POU6F2: variants seen among roughly 807,000 people sequenced by gnomAD.
The protein encoded by POU6F2 is POU domain, class 6, transcription factor 2.
In POU6F2, 31 loss-of-function variants were observed where a neutral mutation model predicts 71.3. The ratio of observed to expected loss-of-function variants is 0.43; its 90% CI spans 0.33 to 0.59. The LOEUF is 0.59. Among genes scored for constraint, POU6F2 ranks in the 20% least tolerant of loss-of-function variants. POU6F2 has a pLI of 0.04. For synonymous variants in POU6F2, 347 were observed against 355.7 expected (o/e 0.98, Z 0.27); for missense variants, 783 against 856.8 (o/e 0.91, Z 1.07).
intron 1 of POU6F2, among the ~76,000 whole-genome samples, chr7:39,042,841 G>C (rs1440765095): frequency 6.6e-6 from 1 of 151,628 alleles, no homozygotes; most frequent in African/African-American, 2.4e-5. Flanking sequence ...TGCCTTCAGG[G>C]CACACTGACC....
At chr7:39,050,245 T>C (rs141555878) in intron 1 of POU6F2, among the ~76,000 whole-genome samples, 83 of 152,184 alleles carry the variant, frequency 5.5e-4, no homozygotes, top group African/African-American at 1.9e-3. Flanking sequence ...GAGTCCTGTT[T>C]CTGCATAACC....
intron 5 of POU6F2, among the ~76,000 whole-genome samples, chr7:39,347,196 A>C (rs906936200): frequency 2.0e-5 from 3 of 152,168 alleles, no homozygotes; most frequent in Admixed American, 6.5e-5. Context: ...TATCCTGCCT[A>C]CTTTTTTTCC....
At chr7:39,417,511 A>G (rs1787707116) in intron 6 of POU6F2, among the ~76,000 whole-genome samples, 1 of 152,234 alleles carries the variant, frequency 6.6e-6, no homozygotes, top group Non-Finnish European at 1.5e-5. Flanking sequence ...ATAACTAACA[A>G]TATAAATAGA....
At chr7:39,152,284 A>G (rs1584570464) in intron 2 of POU6F2, among the ~76,000 whole-genome samples, 2 of 152,120 alleles carry the variant, frequency 1.3e-5, no homozygotes, top group Non-Finnish European at 1.5e-5. Flanking sequence ...CTGTGGGTGG[A>G]TAAGTGACCC....
intron 2 of POU6F2, among the ~76,000 whole-genome samples, chr7:39,192,097 TC>T (rs1200347289): frequency 6.6e-6 from 1 of 152,234 alleles, no homozygotes; most frequent in Non-Finnish European, 1.5e-5. Context: ...CTCTTCCTGA[TC>T]AATTTTGTGG....
At position 39,207,442 on chromosome 7, in the gene POU6F2, G is replaced by T. The variant is rs776845454; in HGVS notation, c.420G>T (p.Pro140=). ...QLASAVAGVM[P]GGPPALNQPI... ...CTTCTGCTGTGGCCGGCGTGATGCCGGGAGGCCCCCCAGCCCTCAACCAGC... is the reference window on the plus strand; with the variant it reads ...CTTCTGCTGTGGCCGGCGTGATGCCTGGAGGCCCCCCAGCCCTCAACCAGC... Residue 140 remains proline (P), a synonymous_variant, in exon 4 of 10, where the codon CCG becomes CCT. Coordinates refer to ENST00000518318, the MANE Select transcript of POU6F2 (RefSeq NM_001370959.1). The T allele has an allele frequency of 2.5e-6, 4 of 1,613,898 alleles. No individual in the cohort carries two copies. The South Asian group carries it at 4.4e-5, about 18-fold the overall frequency.
chr7:39,252,813 T>C (rs950659007), intron 4 of POU6F2, among the ~76,000 whole-genome samples: 4 of 152,182 alleles, frequency 2.6e-5, no homozygotes, highest in African/African-American at 4.8e-5. Context: ...TGAACCACTA[T>C]GTAGAAAACG....
intron 4 of POU6F2, among the ~76,000 whole-genome samples, chr7:39,215,134 C>T (rs182660653): frequency 2.6e-5 from 4 of 152,252 alleles, no homozygotes; most frequent in Admixed American, 2.6e-4. Flanking sequence ...TACCTGAGGT[C>T]ACAAGTTCAA....
chr7:39,261,825 T>A (rs978292033), intron 4 of POU6F2, among the ~76,000 whole-genome samples: 2 of 152,270 alleles, frequency 1.3e-5, no homozygotes, highest in African/African-American at 4.8e-5. Context: ...TTGCATATTT[T>A]CTGGTTTAAC....
intron 8 of POU6F2, among the ~76,000 whole-genome samples, chr7:39,456,529 A>G (rs1294995483): frequency 6.6e-6 from 1 of 152,244 alleles, no homozygotes; most frequent in Non-Finnish European, 1.5e-5. Context: ...TACAGACAGC[A>G]TCTAATGAAT....
At chr7:39,242,436 G>A (rs987813536) in intron 4 of POU6F2, among the ~76,000 whole-genome samples, 4 of 148,428 alleles carry the variant, frequency 2.7e-5, no homozygotes, top group African/African-American at 1.0e-4. Context: ...AGCATCTATT[G>A]GCTTTAACTT....
chr7:39,308,971 C>T (rs573304376), intron 4 of POU6F2, among the ~76,000 whole-genome samples: 12 of 152,242 alleles, frequency 7.9e-5, no homozygotes, highest in Non-Finnish European at 1.5e-4. Flanking sequence ...TGTCCTGTGG[C>T]GCAGCCACAC....
chr7:39,137,609 A>T (rs563026657), intron 2 of POU6F2, among the ~76,000 whole-genome samples: 17 of 152,350 alleles, frequency 1.1e-4, no homozygotes, highest in African/African-American at 4.1e-4. Context: ...ACTTTTCAAA[A>T]ATTTTAATTG....
intron 2 of POU6F2, among the ~76,000 whole-genome samples, chr7:39,110,370 A>G (rs1194584081): frequency 1.3e-5 from 2 of 151,774 alleles, no homozygotes; most frequent in African/African-American, 4.8e-5. Context: ...TGTTCTAAGT[A>G]TTTTACTTTA....
chr7:39,150,462 A>ATTT lies in POU6F2; in HGVS notation c.278-53753_278-53751dup, dbSNP rs1263641232. ...TTGTATAACAGCTGTACCAAGCTAC[A>ATTT]TTTTTTTTTTTTTTTTTTTTTTGAG... On this transcript the variant is annotated intron_variant, in intron 2 of 9. Coordinates refer to ENST00000518318, the MANE Select transcript of POU6F2 (RefSeq NM_001370959.1). Among the ~76,000 whole-genome samples the ATTT allele has an allele frequency of 3.7e-3, 364 of 99,258 alleles. 7 individuals are homozygous for ATTT. The highest frequency in any genetic ancestry group is 4.7e-3 in the Non-Finnish European group (238 of 50,612). 65.1% of individuals were successfully genotyped at this position (99,258 alleles called of 152,430 possible). A position where few individuals can be genotyped will look rare whatever the true frequency, so the allele number is the denominator to read the frequency against.
intron 2 of POU6F2, among the ~76,000 whole-genome samples, chr7:39,094,271 T>C (rs952548565): frequency 1.3e-5 from 2 of 152,108 alleles, no homozygotes; most frequent in Non-Finnish European, 2.9e-5. Flanking sequence ...TTTGGACAAC[T>C]TGACTTATAG....
chr7:39,249,922 G>A lies in POU6F2; in HGVS notation c.598+42302G>A, dbSNP rs375781172. Among the ~76,000 whole-genome samples, 39 of 152,262 alleles carry A rather than the reference G, an allele frequency of 2.6e-4. No individual in the cohort carries two copies. The South Asian group carries it at 7.7e-3, about 30-fold the overall frequency. On this transcript the variant is annotated intron_variant, in intron 4 of 9. Coordinates refer to ENST00000518318, the MANE Select transcript of POU6F2 (RefSeq NM_001370959.1). ...AAATTTTGCATGAGCCTTTCACTTT[G>A]TAGACTCTCCTTTGGTCAGATGACA...
At chr7:38,979,492 T>C (rs1280591682) in intron 1 of POU6F2, among the ~76,000 whole-genome samples, 1 of 152,224 alleles carries the variant, frequency 6.6e-6, no homozygotes, top group African/African-American at 2.4e-5. Flanking sequence ...GAAATATTTT[T>C]TAAAACTTTC....
intron 4 of POU6F2, among the ~76,000 whole-genome samples, chr7:39,260,529 C>T (rs1162594815): frequency 7.1e-6 from 1 of 140,846 alleles, no homozygotes. Flanking sequence ...ACATTCCACA[C>T]ACATACCACG....
Sources: allele counts gnomAD v4.1 joint callset (sites outside exome capture counted in the v4.1 genomes callset), GRCh38; gene constraint gnomAD v4.1.1; transcripts MANE v1.5; gene names NCBI Gene and HGNC (gene_info 2026-07-23, HGNC 2026-07-21).